Variants in STXBP5L observed in about 807,000 individuals in gnomAD.
The protein encoded by STXBP5L is syntaxin binding protein 5L.
Under a neutral mutation model 144.5 loss-of-function variants are expected in STXBP5L, and 65 were observed. That is an observed-to-expected ratio of 0.45 (90% CI 0.37 to 0.55). The LOEUF (loss-of-function observed/expected upper bound fraction) is 0.55. Ranked by LOEUF, STXBP5L falls within the 20% of genes least tolerant of loss-of-function variation. STXBP5L has a pLI of 0.00. For synonymous variants in STXBP5L, 505 were observed against 469.6 expected (o/e 1.08, Z -0.97); for missense variants, 1,298 against 1,405.5 (o/e 0.92, Z 1.22).
intron 23 of STXBP5L, 66 bp from the exon 24 acceptor site, chr3:121,413,092 T>A (rs889828983): frequency 1.6e-6 from 2 of 1,224,626 alleles, no homozygotes; most frequent in African/African-American, 3.1e-5. Context: ...AAAATTACTG[T>A]TTTTATGTAA....
At chr3:121,217,365 C>T (rs1052187475) in intron 10 of STXBP5L, among the ~76,000 whole-genome samples, 2 of 152,146 alleles carry the variant, frequency 1.3e-5, no homozygotes, top group African/African-American at 4.8e-5. Context: ...ATGGGAAAAG[C>T]GTGGTATATG....
intron 9 of STXBP5L, among the ~76,000 whole-genome samples, chr3:121,170,450 C>G (rs1422224267): frequency 6.6e-6 from 1 of 151,810 alleles, no homozygotes; most frequent in Non-Finnish European, 1.5e-5. Context: ...GCTAGTCAGA[C>G]TAATAAAGAA....
chr3:121,216,834 A>G (rs1465745758), intron 10 of STXBP5L, among the ~76,000 whole-genome samples: 1 of 152,178 alleles, frequency 6.6e-6, no homozygotes, highest in Non-Finnish European at 1.5e-5. Flanking sequence ...AGTTTTATCT[A>G]TAAGCCCTGA....
At chr3:121,253,636 C>CTT (rs940544631) in intron 15 of STXBP5L, among the ~76,000 whole-genome samples, 1 of 135,402 alleles carries the variant, frequency 7.4e-6, no homozygotes, top group South Asian at 2.3e-4. Context: ...AATATATATA[C>CTT]TTTTTTTTTT....
intron 9 of STXBP5L, among the ~76,000 whole-genome samples, chr3:121,163,904 A>C (rs1395951667): frequency 1.3e-5 from 2 of 152,194 alleles, no homozygotes; most frequent in Non-Finnish European, 2.9e-5. Context: ...ATTTTCTGCT[A>C]TACTTTGGAG....
At chr3:121,277,287 C>G (rs544548390) in intron 18 of STXBP5L, among the ~76,000 whole-genome samples, 79 of 152,052 alleles carry the variant, frequency 5.2e-4, no homozygotes, top group African/African-American at 1.8e-3. Context: ...TCCATGAGAG[C>G]TCCATTTTCA....
At chr3:121,000,322 T>G (rs1405251852) in intron 3 of STXBP5L, among the ~76,000 whole-genome samples, 1 of 152,194 alleles carries the variant, frequency 6.6e-6, no homozygotes, top group Admixed American at 6.5e-5. Flanking sequence ...TCTTTTTTCC[T>G]TATTTTTTTC....
intron 14 of STXBP5L, among the ~76,000 whole-genome samples, chr3:121,246,127 T>G (rs1577295751): frequency 6.6e-6 from 1 of 152,156 alleles, no homozygotes; most frequent in African/African-American, 2.4e-5. Flanking sequence ...GGCAGGCAAG[T>G]GAGCATTACC....
rs538327812 is a variant in STXBP5L, at chr3:121,207,667, G to A, written c.956+1666G>A. Among the ~76,000 whole-genome samples the A allele has an allele frequency of 2.0e-5, 3 of 152,296 alleles. No individual in the cohort carries two copies. In the East Asian group the frequency reaches 5.8e-4, roughly 29 times the overall value. On this transcript the variant is annotated intron_variant, in intron 10 of 26. Transcript: ENST00000471454. ...ATCAAACAACCCCATCAAAAAGTGG[G>A]TGAAGGACATGAACAGACATTTCTC... is the stretch of plus-strand genomic sequence containing the variant.
At chr3:120,966,677 C>T (rs1281523591) in intron 3 of STXBP5L, among the ~76,000 whole-genome samples, 1 of 152,150 alleles carries the variant, frequency 6.6e-6, no homozygotes, top group East Asian at 1.9e-4. Flanking sequence ...CTGGAAGCTT[C>T]ATCCCAGAGT....
chr3:121,166,464 T>C (rs1385742801), intron 9 of STXBP5L, among the ~76,000 whole-genome samples: 1 of 152,236 alleles, frequency 6.6e-6, no homozygotes, highest in Non-Finnish European at 1.5e-5. Context: ...ATAATTAGTT[T>C]TTGTTTCTAA....
At chr3:120,941,762 G>T (rs1363827251) in intron 2 of STXBP5L, among the ~76,000 whole-genome samples, 1 of 151,778 alleles carries the variant, frequency 6.6e-6, no homozygotes, top group East Asian at 1.9e-4. Context: ...CTCAGTGAAG[G>T]GGGCAAATGG....
intron 5 of STXBP5L, among the ~76,000 whole-genome samples, chr3:121,097,250 G>A (rs1042113975): frequency 6.6e-6 from 1 of 152,154 alleles, no homozygotes; most frequent in African/African-American, 2.4e-5. Context: ...TCAAGCCAGT[G>A]GGGGTGGGAC....
chr3:121,181,946 T>TA (rs767721855), intron 9 of STXBP5L, among the ~76,000 whole-genome samples: 22,243 of 138,548 alleles, frequency 0.16, 1,765 homozygotes, highest in Middle Eastern at 0.21. Flanking sequence ...CAACAACAGT[T>TA]AAAAAAAAAA....
intron 5 of STXBP5L, among the ~76,000 whole-genome samples, chr3:121,095,573 C>T (rs187865354): frequency 3.3e-5 from 5 of 152,252 alleles, no homozygotes; most frequent in African/African-American, 4.8e-5. Context: ...TCCAGCTGAT[C>T]GAATCGGCTA....
intron 3 of STXBP5L, among the ~76,000 whole-genome samples, chr3:120,963,369 T>C (rs549171589): frequency 6.6e-6 from 1 of 152,346 alleles, no homozygotes; most frequent in South Asian, 2.1e-4. Flanking sequence ...TCAAAGGGAA[T>C]GCTTCCAGTT....
intron 3 of STXBP5L, among the ~76,000 whole-genome samples, chr3:121,033,788 A>G (rs1033692662): frequency 5.3e-5 from 8 of 151,888 alleles, no homozygotes; most frequent in Non-Finnish European, 1.2e-4. Context: ...ATATACTTTG[A>G]GTTTTGTGAA....
intron 22 of STXBP5L, among the ~76,000 whole-genome samples, chr3:121,394,298 A>G (rs1037613976): frequency 6.6e-6 from 1 of 152,130 alleles, no homozygotes; most frequent in African/African-American, 2.4e-5. Flanking sequence ...GAGGTCATTT[A>G]TCAAATCTAG....
At chr3:120,946,040 A>G (rs973257708) in intron 2 of STXBP5L, among the ~76,000 whole-genome samples, 3 of 151,718 alleles carry the variant, frequency 2.0e-5, no homozygotes, top group Admixed American at 6.6e-5. Context: ...CAAAAGCCAT[A>G]TTTATTTTTT....
Sources: gnomAD v4.1 joint callset for allele counts (sites outside exome capture counted in the v4.1 genomes callset) on GRCh38, gnomAD v4.1.1 for gene constraint, MANE v1.5 for transcripts, NCBI Gene and HGNC (gene_info 2026-07-23, HGNC 2026-07-21) for gene names.